TTBK2: variants seen among roughly 807,000 people sequenced by gnomAD.
TTBK2 encodes the protein tau tubulin kinase 2.
Under a neutral mutation model 110.8 loss-of-function variants are expected in TTBK2, and 28 were observed. The observed-to-expected ratio is 0.25, with a 90% CI of 0.19 to 0.35. The LOEUF is 0.35. Among genes scored for constraint, TTBK2 ranks in the 10% least tolerant of loss-of-function variants. TTBK2 has a pLI of 1.00. For missense variants in TTBK2, 1,369 were observed against 1,500.3 expected, an observed-to-expected ratio of 0.91 and a Z score of 1.45; for synonymous variants, 532 against 527.3, an observed-to-expected ratio of 1.01 and a Z score of -0.12.
intron 4 of TTBK2, among the ~76,000 whole-genome samples, chr15:42,833,885 C>T (rs1892880225): frequency 1.3e-5 from 2 of 151,992 alleles, no homozygotes; most frequent in African/African-American, 4.8e-5. Context: ...GCAGCGCGTG[C>T]CTGTAGTCCA....
chr15:42,759,624 C>T (rs1225755718), intron 13 of TTBK2, among the ~76,000 whole-genome samples: 1 of 152,250 alleles, frequency 6.6e-6, no homozygotes, highest in Non-Finnish European at 1.5e-5. Flanking sequence ...CACAAACTCT[C>T]ACCTTAGGCC....
At chr15:42,831,231 T>C (rs1892746835) in intron 4 of TTBK2, among the ~76,000 whole-genome samples, 1 of 151,958 alleles carries the variant, frequency 6.6e-6, no homozygotes, top group Admixed American at 6.6e-5. Flanking sequence ...TAAAGTTTTT[T>C]TGTGTGTTTT....
rs138598503 is a variant in TTBK2 at position 42,881,811 on chromosome 15, C to T, written c.-67-3127G>A. On this transcript the variant is annotated intron_variant, in intron 1 of 14. Coordinates refer to ENST00000267890, the MANE Select transcript of TTBK2 (RefSeq NM_173500.4). ...GCTTGAACCCAGGAGGTGGAGGTTG[C>T]AATGAGCCAAGATCGCACCATTGCA... 5.5e-4 allele frequency among the ~76,000 whole-genome samples: 84 copies of T among 151,474 alleles called. No homozygotes were observed. The East Asian group carries it at 0.015, about 26-fold the overall frequency.
chr15:42,787,210 G>A (rs934259815), intron 10 of TTBK2, among the ~76,000 whole-genome samples: 2 of 152,022 alleles, frequency 1.3e-5, no homozygotes, highest in African/African-American at 4.8e-5. Context: ...CACTATAACA[G>A]CAATGACAGT....
intron 7 of TTBK2, among the ~76,000 whole-genome samples, chr15:42,813,858 A>T (rs893143624): frequency 6.9e-6 from 1 of 144,656 alleles, no homozygotes; most frequent in Non-Finnish European, 1.5e-5. Flanking sequence ...TCCATCTCTT[A>T]AAAAAAAAAA....
At chr15:42,829,501 T>C (rs1595958298) in intron 5 of TTBK2, among the ~76,000 whole-genome samples, 1 of 152,230 alleles carries the variant, frequency 6.6e-6, no homozygotes, top group East Asian at 1.9e-4. Context: ...TAACTGGCAA[T>C]GTTAGCACAC....
chr15:42,767,226 A>G (rs955942968), intron 13 of TTBK2, among the ~76,000 whole-genome samples: 1 of 152,230 alleles, frequency 6.6e-6, no homozygotes, highest in African/African-American at 2.4e-5. Context: ...TAAAAGAACT[A>G]GAGAAGCAAG....
Position 42,841,775 on chromosome 15 carries a change from A to G in TTBK2, c.218-1342T>C, listed in dbSNP as rs566337780. The stretch of plus-strand genomic sequence containing the variant: ...TAAATCTGACCAATATTAAAGATGT[A>G]GTTTTTTACTAGAATTGGCAAAATT... On this transcript the variant is annotated intron_variant, in intron 3 of 14. Coordinates refer to ENST00000267890, the MANE Select transcript of TTBK2 (RefSeq NM_173500.4). Among the ~76,000 whole-genome samples the G allele has an allele frequency of 2.6e-5, 4 of 152,306 alleles. No homozygotes were observed. In the South Asian group the frequency reaches 6.2e-4, roughly 24 times the overall value.
chr15:42,788,368 T>C (rs1890500260), intron 10 of TTBK2, among the ~76,000 whole-genome samples: 1 of 152,188 alleles, frequency 6.6e-6, no homozygotes, highest in Non-Finnish European at 1.5e-5. Context: ...ATAGTCTCTA[T>C]CATCAAGGTA....
At chr15:42,778,787 A>T (rs952149343) in intron 11 of TTBK2, among the ~76,000 whole-genome samples, 6 of 152,198 alleles carry the variant, frequency 3.9e-5, no homozygotes, top group Non-Finnish European at 8.8e-5. Context: ...GTCTAACTGG[A>T]GTCCTAGAAA....
intron 1 of TTBK2, among the ~76,000 whole-genome samples, chr15:42,915,584 CCT>C (rs1491484743): frequency 6.6e-6 from 1 of 152,084 alleles, no homozygotes; most frequent in Non-Finnish European, 1.5e-5. Flanking sequence ...AATGCATGCC[CCT>C]TAGATGGGGA....
chr15:42,806,439 GT>G (rs1423293669), intron 9 of TTBK2, among the ~76,000 whole-genome samples: 8 of 152,198 alleles, frequency 5.3e-5, no homozygotes, highest in African/African-American at 1.9e-4. Context: ...CCATGCTCCT[GT>G]TTATAACACT....
At chr15:42,885,003 C>T (rs1031365680) in intron 1 of TTBK2, among the ~76,000 whole-genome samples, 13 of 152,216 alleles carry the variant, frequency 8.5e-5, no homozygotes, top group Non-Finnish European at 1.0e-4. Flanking sequence ...ATCTATCCCC[C>T]GCCCACAAAA....
At chr15:42,803,361 A>T (rs1891306542) in intron 9 of TTBK2, among the ~76,000 whole-genome samples, 1 of 152,250 alleles carries the variant, frequency 6.6e-6, no homozygotes, top group Non-Finnish European at 1.5e-5. Context: ...TTATAAGCTT[A>T]TGGGACCACT....
intron 1 of TTBK2, among the ~76,000 whole-genome samples, chr15:42,895,739 G>T (rs1369794169): frequency 6.6e-6 from 1 of 151,732 alleles, no homozygotes; most frequent in African/African-American, 2.4e-5. Context: ...GGGTTTCACC[G>T]TGTTAGACAG....
intron 13 of TTBK2, among the ~76,000 whole-genome samples, chr15:42,770,988 C>A (rs6493064): frequency 2.6e-5 from 3 of 115,244 alleles, no homozygotes; most frequent in Admixed American, 2.1e-4. Context: ...TTTTTTTTTT[C>A]TTTGACACAG....
At chr15:42,913,056 C>T (rs868702565) in intron 1 of TTBK2, among the ~76,000 whole-genome samples, 1 of 136,706 alleles carries the variant, frequency 7.3e-6, no homozygotes, top group Non-Finnish European at 1.5e-5. Flanking sequence ...ACCCGGGAAG[C>T]GGAGCTTGCA....
intron 3 of TTBK2, among the ~76,000 whole-genome samples, chr15:42,862,305 T>C (rs1039600144): frequency 1.3e-5 from 2 of 152,028 alleles, no homozygotes; most frequent in Admixed American, 1.3e-4. Flanking sequence ...CGGGCCAATA[T>C]CCATGATGAA....
chr15:42,791,270 A>T (rs541590230), intron 10 of TTBK2, among the ~76,000 whole-genome samples: 1 of 152,238 alleles, frequency 6.6e-6, no homozygotes, highest in South Asian at 2.1e-4. Context: ...CGCCTGCCTC[A>T]GCCTCCCAAA....
Sources: gnomAD v4.1 joint callset for allele counts (sites outside exome capture counted in the v4.1 genomes callset) on GRCh38, gnomAD v4.1.1 for gene constraint, MANE v1.5 for transcripts, NCBI Gene and HGNC (gene_info 2026-07-23, HGNC 2026-07-21) for gene names.